Variants in CALCR observed in about 807,000 individuals in gnomAD.
CALCR encodes the protein calcitonin receptor.
In CALCR, 47 loss-of-function variants were observed where a neutral mutation model predicts 59.5. The ratio of observed to expected loss-of-function variants is 0.79; its 90% CI spans 0.63 to 1.01. The LOEUF is 1.01. Ranked by LOEUF, CALCR falls within the 50% of genes least tolerant of loss-of-function variation. The pLI is 0.00. For missense variants in CALCR, 566 were observed against 597.1 expected (o/e 0.95, Z 0.54); for synonymous variants, 213 against 211.3 (o/e 1.01, Z -0.07).
chr7:93,428,821 C>T (rs981799668), intron 13 of CALCR, among the ~76,000 whole-genome samples: 9 of 150,528 alleles, frequency 6.0e-5, no homozygotes, highest in Admixed American at 2.0e-4. Context: ...CTGATAATTT[C>T]CACGGATTCA....
chr7:93,557,028 C>A (rs2116251558), intron 2 of CALCR, among the ~76,000 whole-genome samples: 1 of 152,104 alleles, frequency 6.6e-6, no homozygotes, highest in South Asian at 2.1e-4. Context: ...TCATAACTAC[C>A]TTGGCCATTT....
intron 12 of CALCR, among the ~76,000 whole-genome samples, chr7:93,435,625 T>A (rs1799755550): frequency 6.6e-6 from 1 of 151,844 alleles, no homozygotes. Flanking sequence ...CTGGCCAACA[T>A]GGTGAAACCC....
At chr7:93,524,200 C>T (rs1283640732) in intron 2 of CALCR, among the ~76,000 whole-genome samples, 33 of 137,630 alleles carry the variant, frequency 2.4e-4, no homozygotes, top group African/African-American at 8.1e-4. Context: ...AGACGAGTTT[C>T]GCTCTGTTGC....
intron 2 of CALCR, among the ~76,000 whole-genome samples, chr7:93,572,570 A>G (rs1252556673): frequency 6.6e-6 from 1 of 152,140 alleles, no homozygotes; most frequent in Non-Finnish European, 1.5e-5. Context: ...TCTAATAAAA[A>G]CCAACAGTAG....
At chr7:93,486,838 C>G in intron 3 of CALCR, 93 bp downstream of exon 3, 1 of 814,422 alleles carries the variant, frequency 1.2e-6, no homozygotes. Flanking sequence ...CCAATGCCTA[C>G]CCTTGCAAAT....
At chr7:93,480,817 A>AG (rs1302499504) in intron 3 of CALCR, among the ~76,000 whole-genome samples, 2 of 151,732 alleles carry the variant, frequency 1.3e-5, no homozygotes, top group African/African-American at 4.8e-5. Context: ...CATAGGCACA[A>AG]GGGGGGGTCG....
At chr7:93,498,049 G>T (rs746587654) in intron 2 of CALCR, among the ~76,000 whole-genome samples, 7 of 151,622 alleles carry the variant, frequency 4.6e-5, no homozygotes, top group African/African-American at 1.5e-4. Context: ...TCACGTTTTT[G>T]TCAGAATTTC....
chr7:93,473,582 C>A lies in CALCR; in HGVS notation c.317-1095G>T, dbSNP rs1010349599. Among the ~76,000 whole-genome samples the A allele has an allele frequency of 6.4e-4, 68 of 106,706 alleles. No individual in the cohort carries two copies. The East Asian group carries it at 0.02, about 31-fold the overall frequency. The allele number at this position is 106,706 out of a possible 152,430, so 70.0% of individuals were successfully genotyped here. A position where few individuals can be genotyped will look rare whatever the true frequency, so the allele number is the denominator to read the frequency against. ...AAATAAAAGGTAACACTGGTTTGGC[C>A]CCCCCCCCTTTTTTTTTTTTTTTTT... On this transcript the variant is annotated intron_variant, in intron 5 of 13. Coordinates refer to ENST00000426151, the MANE Select transcript of CALCR (RefSeq NM_001742.4).
Position 93,468,817 on chromosome 7 carries a change from A to G in CALCR, c.430-11T>C, listed in dbSNP as rs1005610983. The G allele has an allele frequency of 1.4e-6, 2 of 1,479,570 alleles. No individual in the cohort carries two copies. Among genetic ancestry groups the G allele is most frequent in the East Asian group, 2.3e-5 (1 of 42,764 alleles). 91.7% of individuals were successfully genotyped at this position (1,479,570 alleles called of 1,614,324 possible). A position where few individuals can be genotyped will look rare whatever the true frequency, so the allele number is the denominator to read the frequency against. ...CAGAACATATGCATTCTGGAACAACAAAAAGTAAACAAACAAACAATGAAT... is the reference window on the plus strand; with the variant it reads ...CAGAACATATGCATTCTGGAACAACGAAAAGTAAACAAACAAACAATGAAT... On this transcript the variant is annotated splice_polypyrimidine_tract_variant and intron_variant, in intron 6 of 13. Transcript: ENST00000426151.
intron 13 of CALCR, among the ~76,000 whole-genome samples, chr7:93,434,016 G>T (rs944245593): frequency 3.3e-5 from 5 of 152,202 alleles, no homozygotes; most frequent in Admixed American, 2.6e-4. Context: ...GTGCTGATCT[G>T]TTCAAGATGC....
At chr7:93,490,865 C>A (rs954147486) in intron 2 of CALCR, among the ~76,000 whole-genome samples, 2 of 151,938 alleles carry the variant, frequency 1.3e-5, no homozygotes, top group Non-Finnish European at 2.9e-5. Flanking sequence ...CTATTCCCAT[C>A]AAACTACCAT....
intron 9 of CALCR, among the ~76,000 whole-genome samples, chr7:93,439,749 T>C (rs905542263): frequency 3.3e-5 from 5 of 152,134 alleles, no homozygotes; most frequent in African/African-American, 1.2e-4. Flanking sequence ...ATTTGTTCAA[T>C]ATAGAAGTCC....
chr7:93,486,896 A>T, intron 3 of CALCR, 35 bp downstream of exon 3: 1 of 1,248,954 alleles, frequency 8.0e-7, no homozygotes, highest in Non-Finnish European at 1.2e-6. Context: ...AGCATTCTTC[A>T]TTAGCATGGC....
At chr7:93,496,048 A>T (rs967636088) in intron 2 of CALCR, 1 of 757,310 alleles carries the variant, frequency 1.3e-6, no homozygotes, top group Non-Finnish European at 2.0e-6. Context: ...TAAGGGGAAC[A>T]AATTTACTTG....
Position 93,460,488 on chromosome 7 carries a change from G to A in CALCR, c.648+333C>T, listed in dbSNP as rs139096732. 2.0e-3 allele frequency among the ~76,000 whole-genome samples: 293 copies of A among 147,566 alleles called. 1 individual carries two copies. Among genetic ancestry groups the A allele is most frequent in the African/African-American group, 6.4e-3 (254 of 39,884 alleles). ...GGAGAATTGCTTGAACCCGGGAGGC[G>A]GAGGTTGCAGTGAGCTGAGATCCCA... On this transcript the variant is annotated intron_variant, in intron 8 of 13. Coordinates refer to ENST00000426151, the MANE Select transcript of CALCR (RefSeq NM_001742.4).
chr7:93,566,171 C>T lies in CALCR; in HGVS notation c.-27+8118G>A, dbSNP rs562977803. ...ATTTGCAATTAAATTTACTTGATGT[C>T]TGCCTACTTAATAGACAGATTTGGG... On this transcript the variant is annotated intron_variant, in intron 2 of 13. Coordinates refer to ENST00000426151, the MANE Select transcript of CALCR (RefSeq NM_001742.4). Among the ~76,000 whole-genome samples, 10 of 152,254 alleles carry T rather than the reference C, an allele frequency of 6.6e-5. No homozygotes were observed. In the South Asian group the frequency reaches 1.7e-3, roughly 25 times the overall value.
intron 2 of CALCR, among the ~76,000 whole-genome samples, chr7:93,500,981 C>A (rs1037757571): frequency 2.0e-5 from 3 of 151,652 alleles, no homozygotes; most frequent in Non-Finnish European, 2.9e-5. Flanking sequence ...ATTTGAGTGC[C>A]CTTGGAAATT....
intron 2 of CALCR, among the ~76,000 whole-genome samples, chr7:93,539,653 T>G (rs1343221166): frequency 6.6e-6 from 1 of 152,118 alleles, no homozygotes; most frequent in Non-Finnish European, 1.5e-5. Flanking sequence ...TTGTGTGTTC[T>G]TGTGCAAGTT....
At chr7:93,483,412 G>A (rs1210471995) in intron 3 of CALCR, among the ~76,000 whole-genome samples, 2 of 13,572 alleles carry the variant, frequency 1.5e-4, no homozygotes, top group Non-Finnish European at 4.5e-4. Context: ...TGACTGTATA[G>A]ATAGATAGAT....
Sources: allele counts gnomAD v4.1 joint callset (sites outside exome capture counted in the v4.1 genomes callset), GRCh38; gene constraint gnomAD v4.1.1; transcripts MANE v1.5; gene names NCBI Gene and HGNC (gene_info 2026-07-23, HGNC 2026-07-21).